The following PLXNC1 variants were observed in gnomAD, a reference collection of about 807,000 sequenced individuals.
The protein encoded by PLXNC1 is plexin-C1.
PLXNC1 carries 75 observed loss-of-function variants against 178.2 expected under a neutral mutation model. The observed-to-expected ratio is 0.42, with a 90% CI of 0.35 to 0.51. PLXNC1 has a LOEUF of 0.51. Ranked by LOEUF, PLXNC1 falls within the 20% of genes least tolerant of loss-of-function variation. The probability of loss-of-function intolerance (pLI) is 0.02; values close to 1 mark genes in which losing one functional copy is unlikely to be tolerated. For synonymous variants in PLXNC1, 790 were observed against 779.9 expected, an observed-to-expected ratio of 1.01 and a Z score of -0.22; for missense variants, 1,503 against 1,984.4, an observed-to-expected ratio of 0.76 and a Z score of 4.61.
chr12:94,161,863 G>A (rs925426167), intron 1 of PLXNC1, among the ~76,000 whole-genome samples: 1 of 152,196 alleles, frequency 6.6e-6, no homozygotes, highest in Non-Finnish European at 1.5e-5. Flanking sequence ...AAAGAACTCA[G>A]TAATGATTAG....
intron 21 of PLXNC1, chr12:94,278,180 C>T (rs1390421865): frequency 5.3e-6 from 2 of 379,868 alleles, no homozygotes; most frequent in Non-Finnish European, 5.3e-6. Flanking sequence ...ATTACTTGAT[C>T]ATTTTACATT....
chr12:94,295,659 T>C (rs1380951193), intron 24 of PLXNC1, among the ~76,000 whole-genome samples: 1 of 152,146 alleles, frequency 6.6e-6, no homozygotes, highest in African/African-American at 2.4e-5. Flanking sequence ...CAACGCTGGA[T>C]GAACCCAACG....
Position 94,303,750 on chromosome 12 carries a change from C to CT in PLXNC1, c.4387-6_4387-5insT. ...ATGGTTGCTTTTTTTTTTTTTTTTT[C>CT]CCCAGGAAGCACCAACTAATAAGCT... On this transcript the variant is annotated splice_polypyrimidine_tract_variant and splice_region_variant and intron_variant, in intron 28 of 30. Transcript: ENST00000258526. The CT allele has an allele frequency of 1.3e-6, 1 of 760,480 alleles. No homozygotes were observed. The highest frequency in any genetic ancestry group is 1.8e-6 in the Non-Finnish European group (1 of 568,254). 47.1% of individuals were successfully genotyped at this position (760,480 alleles called of 1,614,324 possible). A position where few individuals can be genotyped will look rare whatever the true frequency, so the allele number is the denominator to read the frequency against.
At chr12:94,208,636 C>T (rs1299258444) in intron 4 of PLXNC1, among the ~76,000 whole-genome samples, 1 of 152,208 alleles carries the variant, frequency 6.6e-6, no homozygotes, top group East Asian at 1.9e-4. Flanking sequence ...GTTTACCACC[C>T]CTGCATTTTA....
At chr12:94,160,458 T>A (rs528567777) in intron 1 of PLXNC1, among the ~76,000 whole-genome samples, 2 of 152,288 alleles carry the variant, frequency 1.3e-5, no homozygotes, top group East Asian at 3.9e-4. Flanking sequence ...TCATCCCCTG[T>A]CTCCCCGCAA....
chr12:94,216,949 C>T (rs1213932582), intron 5 of PLXNC1, among the ~76,000 whole-genome samples: 4 of 152,114 alleles, frequency 2.6e-5, no homozygotes, highest in East Asian at 1.9e-4. Context: ...TTTCTTAGGA[C>T]GAAGCTTCAG....
chr12:94,149,379 G>A lies in PLXNC1; in HGVS notation c.408G>A (p.Val136=), dbSNP rs930911916. 3 of 1,425,338 alleles carry A rather than the reference G, an allele frequency of 2.1e-6. No homozygotes were observed. The highest frequency in any genetic ancestry group is 6.1e-5 in the Admixed American group (2 of 33,006). The allele number at this position is 1,425,338 out of a possible 1,614,324, so 88.3% of individuals were successfully genotyped here. A position where few individuals can be genotyped will look rare whatever the true frequency, so the allele number is the denominator to read the frequency against. ...GWTFDRGACE[V]RPLGNLSRNS... Reference sequence around the variant, plus strand: ...CCTTCGACCGGGGCGCCTGCGAGGTGCGGCCCCTGGGCAACCTGAGCCGCA... The same window carrying A: ...CCTTCGACCGGGGCGCCTGCGAGGTACGGCCCCTGGGCAACCTGAGCCGCA... Residue 136 remains valine, a synonymous_variant, in exon 1 of 31, where the codon GTG becomes GTA. Coordinates refer to ENST00000258526, the MANE Select transcript of PLXNC1 (RefSeq NM_005761.3).
chr12:94,301,140 A>G, intron 28 of PLXNC1, 83 bp downstream of exon 28: 1 of 1,282,280 alleles, frequency 7.8e-7, no homozygotes, highest in Non-Finnish European at 1.1e-6. Context: ...CAAATAATAA[A>G]CAATTGGTCT....
intron 3 of PLXNC1, among the ~76,000 whole-genome samples, chr12:94,184,017 A>T (rs566456968): frequency 3.3e-5 from 5 of 152,352 alleles, no homozygotes; most frequent in Non-Finnish European, 7.3e-5. Flanking sequence ...GGCCGCTAAA[A>T]ATAATCATAT....
intron 1 of PLXNC1, among the ~76,000 whole-genome samples, chr12:94,153,995 A>G (rs540669338): frequency 6.6e-6 from 1 of 152,314 alleles, no homozygotes; most frequent in African/African-American, 2.4e-5. Context: ...TTTGCAGTCT[A>G]TAGACTAGAT....
chr12:94,298,150 T>C (rs963921584), intron 26 of PLXNC1, among the ~76,000 whole-genome samples: 4 of 152,232 alleles, frequency 2.6e-5, no homozygotes, highest in Non-Finnish European at 5.9e-5. Context: ...AGCTGTCCCA[T>C]AGAGCCCAGC....
chr12:94,203,638 C>T lies in PLXNC1; in HGVS notation c.1440-5952C>T, dbSNP rs533848978. ...ATAGATGCCAGTGCCAGACACCATG[C>T]TAACTAACCTCTCTGCACCTCCGTT... On this transcript the variant is annotated intron_variant, in intron 4 of 30. Transcript: ENST00000258526. Among the ~76,000 whole-genome samples, 137 of 152,286 alleles carry T rather than the reference C, an allele frequency of 9.0e-4. 1 individual carries two copies. The highest frequency in any genetic ancestry group is 3.5e-3 in the South Asian group (17 of 4,822).
Position 94,209,591 on chromosome 12 carries a change from T to G in PLXNC1, c.1441T>G (p.Cys481Gly). 2 of 1,600,176 alleles carry G rather than the reference T, an allele frequency of 1.2e-6. No homozygotes were observed. The highest frequency in any genetic ancestry group is 1.7e-6 in the Non-Finnish European group (2 of 1,167,706). The change falls in exon 5 of 31, where the codon TGC becomes GGC. Residue 481 changes from cysteine to glycine, a missense_variant and splice_region_variant. Coordinates refer to ENST00000258526, the MANE Select transcript of PLXNC1 (RefSeq NM_005761.3). ...TGTTTTGTTGCCTCGTTTTTTTAGGTGCACTTTTCAAGGAGATTGTGTACA... is the reference window on the plus strand; with the variant it reads ...TGTTTTGTTGCCTCGTTTTTTTAGGGGCACTTTTCAAGGAGATTGTGTACA... ...HCGWCHSLQRCTFQGDCVHSE... is the reference protein window; with the variant it reads ...HCGWCHSLQRGTFQGDCVHSE...
chr12:94,149,498 A>G lies in PLXNC1; in HGVS notation c.527A>G (p.Tyr176Cys). ...VYRAGRNNRWYLAVAATYVLP... is the reference protein window; with the variant it reads ...VYRAGRNNRWCLAVAATYVLP... ...CGCGCGGGCCGGAACAACCGCTGGTACCTGGCGGTGGCCGCCACCTACGTG... is the reference window on the plus strand; with the variant it reads ...CGCGCGGGCCGGAACAACCGCTGGTGCCTGGCGGTGGCCGCCACCTACGTG... The change falls in exon 1 of 31, where the codon TAC (tyrosine) becomes TGC (cysteine). Residue 176 changes from tyrosine to cysteine, a missense_variant. Around this residue, in one of 4 missense-constraint regions of PLXNC1, gnomAD observed 73 missense variants for 125.4 expected, o/e 0.58. Transcript: ENST00000258526. The G allele has an allele frequency of 6.5e-7, 1 of 1,531,594 alleles. No individual in the cohort carries two copies. Among genetic ancestry groups the G allele is most frequent in the Non-Finnish European group, 8.7e-7 (1 of 1,144,990 alleles). The allele number at this position is 1,531,594 out of a possible 1,614,324, so 94.9% of individuals were successfully genotyped here. A position where few individuals can be genotyped will look rare whatever the true frequency, so the allele number is the denominator to read the frequency against.
chr12:94,172,371 T>C (rs1343289786), intron 2 of PLXNC1, among the ~76,000 whole-genome samples: 1 of 152,188 alleles, frequency 6.6e-6, no homozygotes, highest in Non-Finnish European at 1.5e-5. Flanking sequence ...AACTGCTGTT[T>C]TTTACCACCA....
At chr12:94,276,114 T>C (rs943690517) in intron 21 of PLXNC1, among the ~76,000 whole-genome samples, 3 of 152,170 alleles carry the variant, frequency 2.0e-5, no homozygotes, top group African/African-American at 7.2e-5. Context: ...CATAAAAAAG[T>C]GTTTTTGTTA....
chr12:94,170,420 T>C (rs114853547), intron 2 of PLXNC1, among the ~76,000 whole-genome samples: 2,075 of 152,296 alleles, frequency 0.014, 41 homozygotes, highest in African/African-American at 0.046. Flanking sequence ...TTGCTCACAC[T>C]GTACCTCCAG....
chr12:94,230,048 A>G (rs6538487), intron 9 of PLXNC1, among the ~76,000 whole-genome samples: 78,524 of 152,054 alleles, frequency 0.52, 21,696 homozygotes, highest in African/African-American at 0.73. Context: ...CAGCTCTATC[A>G]TCACAAGGCT....
chr12:94,284,502 T>C (rs1449302594), intron 23 of PLXNC1, among the ~76,000 whole-genome samples: 6 of 152,078 alleles, frequency 3.9e-5, no homozygotes, highest in South Asian at 4.1e-4. Context: ...GTTTCAGATG[T>C]TTTTCACTGT....
Sources: gnomAD v4.1 joint callset for allele counts (sites outside exome capture counted in the v4.1 genomes callset) on GRCh38, gnomAD v4.1.1 for gene constraint, gnomAD v4.1.1 regional missense constraint, MANE v1.5 for transcripts, NCBI Gene and HGNC (gene_info 2026-07-23, HGNC 2026-07-21) for gene names.